The following SYT15B variants were observed in gnomAD, a reference collection of about 807,000 sequenced individuals.
The protein encoded by SYT15B is synaptotagmin-15.
the SYT15B span, chr10:47,750,777 T>G: frequency 1.3e-5 from 2 of 151,168 alleles, no homozygotes; most frequent in East Asian, 3.9e-4. Context: ...ATGGCCATGC[T>G]CCCTCTAATA....
At chr10:47,761,061 C>A in the SYT15B span, 2 of 605,900 alleles carry the variant, frequency 3.3e-6, no homozygotes, top group Admixed American at 6.1e-5. Context: ...GGCCAGGGCA[C>A]CATTTTCTGG....
the SYT15B span, chr10:47,761,630 AC>A: frequency 2.1e-6 from 3 of 1,422,992 alleles, no homozygotes; most frequent in Non-Finnish European, 1.9e-6. Flanking sequence ...GCCCCCAATC[AC>A]CAGGGCCAGC....
the SYT15B span, among the ~76,000 whole-genome samples, chr10:47,747,301 C>G: frequency 6.6e-6 from 1 of 151,888 alleles, no homozygotes; most frequent in Non-Finnish European, 1.5e-5. Flanking sequence ...AAGGGAGACA[C>G]AGAAAAGGAA....
At chr10:47,750,865 C>T in the SYT15B span, 3 of 151,806 alleles carry the variant, frequency 2.0e-5, no homozygotes, top group Non-Finnish European at 4.4e-5. Flanking sequence ...CAAAAGTGTA[C>T]ACACCCTGCT....
At chr10:47,754,973 TTTTTG>T in the SYT15B span, among the ~76,000 whole-genome samples, 1 of 126,278 alleles carries the variant, frequency 7.9e-6, no homozygotes, top group Non-Finnish European at 1.7e-5. Flanking sequence ...CTTTTTTTTT[TTTTTG>T]ACAGAGTCTC....
the SYT15B span, among the ~76,000 whole-genome samples, chr10:47,748,007 T>C: frequency 6.6e-6 from 1 of 152,036 alleles, no homozygotes; most frequent in Non-Finnish European, 1.5e-5. Flanking sequence ...GTATGGAAAA[T>C]ACAGCAAAGA....
At chr10:47,761,089 C>T in the SYT15B span, among the ~76,000 whole-genome samples, 1 of 105,350 alleles carries the variant, frequency 9.5e-6, no homozygotes, top group African/African-American at 3.2e-5. Context: ...CCAGGCAACA[C>T]ACACACACAC....
chr10:47,755,163 G>A, the SYT15B span, among the ~76,000 whole-genome samples: 1 of 151,496 alleles, frequency 6.6e-6, no homozygotes, highest in African/African-American at 2.4e-5. Context: ...TACTATGTTG[G>A]CCAGGATGGT....
the SYT15B span, among the ~76,000 whole-genome samples, chr10:47,760,627 C>A: frequency 6.6e-6 from 1 of 151,090 alleles, no homozygotes; most frequent in Non-Finnish European, 1.5e-5. Flanking sequence ...TGGGGTGCAG[C>A]AAGCACTTCA....
At chr10:47,762,597 G>A in the SYT15B span, 1 of 440,524 alleles carries the variant, frequency 2.3e-6, no homozygotes, top group Non-Finnish European at 3.6e-6. Context: ...GGTCGCAGAG[G>A]GGCCGGGGCT....
At chr10:47,755,245 G>A in the SYT15B span, among the ~76,000 whole-genome samples, 127 of 150,806 alleles carry the variant, frequency 8.4e-4, no homozygotes, top group African/African-American at 3.0e-3. Context: ...GTGAGCCACC[G>A]CACCCAGCCA....
chr10:47,755,565 T>TC, the SYT15B span, among the ~76,000 whole-genome samples: 1 of 140,612 alleles, frequency 7.1e-6, no homozygotes, highest in East Asian at 2.1e-4. Flanking sequence ...CTTTTTTTTT[T>TC]TTTTTTTTTT....
At chr10:47,749,674 G>GC in the SYT15B span, among the ~76,000 whole-genome samples, 1 of 151,200 alleles carries the variant, frequency 6.6e-6, no homozygotes, top group East Asian at 1.9e-4. Flanking sequence ...CCAATGGTAG[G>GC]GGGGGAAACG....
At chr10:47,755,616 T>A in the SYT15B span, among the ~76,000 whole-genome samples, 2 of 124,540 alleles carry the variant, frequency 1.6e-5, no homozygotes, top group Admixed American at 2.0e-4. Context: ...GTTCAAGAGA[T>A]CCTCCCACCT....
the SYT15B span, among the ~76,000 whole-genome samples, chr10:47,745,389 C>T: frequency 6.7e-6 from 1 of 149,484 alleles, no homozygotes; most frequent in African/African-American, 2.5e-5. Flanking sequence ...GAGCAGGATT[C>T]CAGGTTGATT....
the SYT15B span, among the ~76,000 whole-genome samples, chr10:47,745,372 G>A: frequency 1.3e-5 from 2 of 149,226 alleles, no homozygotes; most frequent in South Asian, 2.2e-4. Flanking sequence ...TTCCCTGATA[G>A]TCTTATGAGC....
the SYT15B span, among the ~76,000 whole-genome samples, chr10:47,755,555 CTTTTT>C: frequency 1.4e-4 from 12 of 82,998 alleles, no homozygotes; most frequent in African/African-American, 4.8e-4. Context: ...GTGCCCGGCC[CTTTTT>C]TTTTTTTTTT....
chr10:47,750,847 C>A, the SYT15B span: 1 of 151,684 alleles, frequency 6.6e-6, no homozygotes, highest in Non-Finnish European at 1.5e-5. Context: ...TAAACCTGCA[C>A]ACACACACAA....
chr10:47,761,092 ACACACACACG>A, the SYT15B span, among the ~76,000 whole-genome samples: 3 of 106,826 alleles, frequency 2.8e-5, no homozygotes, highest in African/African-American at 6.5e-5. Flanking sequence ...GGCAACACAC[ACACACACACG>A]CACACACACA....
Sources: gnomAD v4.1 joint callset for allele counts (sites outside exome capture counted in the v4.1 genomes callset) on GRCh38, gnomAD v4.1.1 for gene constraint, MANE v1.5 for transcripts, NCBI Gene and HGNC (gene_info 2026-07-23, HGNC 2026-07-21) for gene names.